The following IL1RAPL1 variants were observed in gnomAD, a reference collection of about 807,000 sequenced individuals.
The protein encoded by IL1RAPL1 is interleukin 1 receptor accessory protein like 1.
In IL1RAPL1, 3 loss-of-function variants were observed where a neutral mutation model predicts 48.4. That is an observed-to-expected ratio of 0.06 (90% CI 0.03 to 0.16). The LOEUF is 0.16. Ranked by LOEUF, IL1RAPL1 falls within the 10% of genes least tolerant of loss-of-function variation. The probability of loss-of-function intolerance (pLI) is 1.00; values close to 1 mark genes in which losing one functional copy is unlikely to be tolerated. For synonymous variants in IL1RAPL1, 185 were observed against 187.7 expected (o/e 0.99, Z 0.12); for missense variants, 349 against 530.6 (o/e 0.66, Z 3.36).
At chrX:29,378,801 C>T (rs982446918) in intron 3 of IL1RAPL1, among the ~76,000 whole-genome samples, 4 of 112,205 alleles carry the variant, frequency 3.6e-5, no homozygotes, top group African/African-American at 9.7e-5. Flanking sequence ...GACCTCCTCA[C>T]CAGGCCTGCT....
chrX:29,200,816 T>A (rs1930540675), intron 2 of IL1RAPL1, among the ~76,000 whole-genome samples: 1 of 111,866 alleles, frequency 8.9e-6, no homozygotes, highest in African/African-American at 3.3e-5. Context: ...GGGATTTTTC[T>A]TTTCTTTTTT....
chrX:28,598,540 T>C (rs1046818079), intron 1 of IL1RAPL1, among the ~76,000 whole-genome samples: 9 of 110,904 alleles, frequency 8.1e-5, no homozygotes, highest in Admixed American at 2.9e-4. Context: ...AAAGAACAAG[T>C]CTCACAGTCT....
chrX:28,618,678 T>A (rs1430364173), intron 1 of IL1RAPL1, among the ~76,000 whole-genome samples: 1 of 112,389 alleles, frequency 8.9e-6, no homozygotes, highest in Non-Finnish European at 1.9e-5. Context: ...GAAATGTAAT[T>A]GTAAACATAT....
At chrX:28,855,294 C>T (rs1472568528) in intron 2 of IL1RAPL1, among the ~76,000 whole-genome samples, 1 of 111,086 alleles carries the variant, frequency 9.0e-6, no homozygotes, top group Non-Finnish European at 1.9e-5. Context: ...GCCAAGATTA[C>T]AGGCATGAGC....
chrX:29,554,500 C>T (rs1384804966), intron 5 of IL1RAPL1, among the ~76,000 whole-genome samples: 1 of 111,188 alleles, frequency 9.0e-6, no homozygotes, highest in Non-Finnish European at 1.9e-5. Flanking sequence ...TTCCAACTTT[C>T]TAATGAAACA....
intron 2 of IL1RAPL1, among the ~76,000 whole-genome samples, chrX:29,274,592 A>G (rs1378367900): frequency 8.9e-6 from 1 of 112,204 alleles, no homozygotes; most frequent in Non-Finnish European, 1.9e-5. Context: ...ATTTTTCTCT[A>G]ATGCCAGGGG....
chrX:28,887,825 C>T (rs993458729), intron 2 of IL1RAPL1, among the ~76,000 whole-genome samples: 4 of 110,204 alleles, frequency 3.6e-5, no homozygotes, highest in Non-Finnish European at 5.7e-5. Flanking sequence ...AAATGGTGGC[C>T]TACTCAGAAA....
intron 1 of IL1RAPL1, among the ~76,000 whole-genome samples, chrX:28,770,952 C>T: frequency 8.9e-6 from 1 of 111,832 alleles, no homozygotes; most frequent in Non-Finnish European, 1.9e-5. Context: ...TGTTAGTATT[C>T]CACACATGGA....
intron 1 of IL1RAPL1, among the ~76,000 whole-genome samples, chrX:28,771,647 T>C (rs1183801746): frequency 8.9e-6 from 1 of 112,298 alleles, no homozygotes; most frequent in Non-Finnish European, 1.9e-5. Flanking sequence ...AAGGACATCT[T>C]TTTAACATTC....
intron 6 of IL1RAPL1, among the ~76,000 whole-genome samples, chrX:29,903,537 CT>C (rs1441878238): frequency 1.8e-5 from 2 of 110,951 alleles, no homozygotes; most frequent in Non-Finnish European, 3.8e-5. Context: ...AAAAAGAGAG[CT>C]TTTTTATTTT....
intron 1 of IL1RAPL1, among the ~76,000 whole-genome samples, chrX:28,632,585 GT>G (rs1419485593): frequency 2.7e-5 from 3 of 111,614 alleles, no homozygotes; most frequent in Non-Finnish European, 5.6e-5. Context: ...TTTTGTTTAT[GT>G]GGGTTATATC....
intron 6 of IL1RAPL1, among the ~76,000 whole-genome samples, chrX:29,884,556 T>C (rs928274896): frequency 9.0e-6 from 1 of 111,177 alleles, no homozygotes; most frequent in African/African-American, 3.3e-5. Context: ...TTCTCTACTC[T>C]CCCTACTCTC....
intron 2 of IL1RAPL1, among the ~76,000 whole-genome samples, chrX:29,165,295 G>A (rs971720487): frequency 9.0e-6 from 1 of 110,977 alleles, no homozygotes; most frequent in African/African-American, 3.3e-5. Context: ...CTCCAACCTG[G>A]GCAGCAAGAG....
intron 5 of IL1RAPL1, among the ~76,000 whole-genome samples, chrX:29,410,305 A>G (rs1934127199): frequency 1.8e-5 from 2 of 109,966 alleles, no homozygotes; most frequent in South Asian, 8.0e-4. Context: ...TACCAAAAAT[A>G]CAAAAATTAG....
chrX:28,647,752 T>A (rs945654978), intron 1 of IL1RAPL1, among the ~76,000 whole-genome samples: 1 of 111,727 alleles, frequency 9.0e-6, no homozygotes, highest in African/African-American at 3.3e-5. Context: ...GACAAATATG[T>A]CACTGAGTCA....
intron 2 of IL1RAPL1, among the ~76,000 whole-genome samples, chrX:29,172,260 T>G (rs1046146300): frequency 5.4e-5 from 6 of 112,000 alleles, no homozygotes; most frequent in African/African-American, 1.9e-4. Flanking sequence ...AGAATACATA[T>G]GTGGTTTTCA....
At chrX:29,089,240 T>C (rs1928025465) in intron 2 of IL1RAPL1, among the ~76,000 whole-genome samples, 1 of 111,348 alleles carries the variant, frequency 9.0e-6, no homozygotes, top group Admixed American at 9.6e-5. Flanking sequence ...CCTTCAGCTT[T>C]ATTGAGATAT....
chrX:28,610,983 C>A (rs1257283747), intron 1 of IL1RAPL1, among the ~76,000 whole-genome samples: 2 of 110,983 alleles, frequency 1.8e-5, no homozygotes, highest in Non-Finnish European at 3.8e-5. Context: ...CACAGGATGA[C>A]AGAGCATGCC....
At chrX:29,832,662 T>G (rs1392272896) in intron 6 of IL1RAPL1, among the ~76,000 whole-genome samples, 1 of 110,055 alleles carries the variant, frequency 9.1e-6, no homozygotes, top group African/African-American at 3.3e-5. Context: ...CACAAGCTTT[T>G]TTTCCTCCTT....
Sources: allele counts gnomAD v4.1 joint callset (sites outside exome capture counted in the v4.1 genomes callset), GRCh38; gene constraint gnomAD v4.1.1; transcripts MANE v1.5; gene names NCBI Gene and HGNC (gene_info 2026-07-23, HGNC 2026-07-21).